The following FAM83A variants were observed in gnomAD, a reference collection of about 807,000 sequenced individuals.
The protein encoded by FAM83A is protein FAM83A.
Under a neutral mutation model 24.4 loss-of-function variants are expected in FAM83A, and 21 were observed. The observed-to-expected ratio is 0.86, with a 90% CI of 0.61 to 1.24. FAM83A has a LOEUF of 1.24. Ranked by LOEUF, FAM83A falls within the 50% of genes most tolerant of loss-of-function variation. The pLI is 0.00. For synonymous variants in FAM83A, 270 were observed against 252.4 expected, an observed-to-expected ratio of 1.07 and a Z score of -0.66; for missense variants, 617 against 579.8, an observed-to-expected ratio of 1.06 and a Z score of -0.66.
At chr8:123,195,819 C>G (rs1824130633) in intron 3 of FAM83A, among the ~76,000 whole-genome samples, 1 of 152,160 alleles carries the variant, frequency 6.6e-6, no homozygotes, top group South Asian at 2.1e-4. Flanking sequence ...CCTGAAGGTT[C>G]TACCTTCATG....
chr8:123,191,739 G>C, intron 1 of FAM83A, 64 bp from the exon 2 acceptor site: 2 of 1,562,416 alleles, frequency 1.3e-6, no homozygotes, highest in Non-Finnish European at 1.7e-6. Context: ...CAGGCAGTTT[G>C]GGTGAAACCA....
chr8:123,198,882 G>A (rs187624609), intron 3 of FAM83A, among the ~76,000 whole-genome samples: 23 of 152,150 alleles, frequency 1.5e-4, no homozygotes, highest in Admixed American at 6.5e-4. Context: ...AATTACAGGC[G>A]TGCACCACCA....
At position 123,195,313 on chromosome 8, in the gene FAM83A, G is replaced by A. The variant is rs146991027; in HGVS notation, c.773+1165G>A. On this transcript the variant is annotated intron_variant, in intron 3 of 3. Coordinates refer to ENST00000690554, the Ensembl canonical transcript of FAM83A. ...TAAGGATGCAGTCTTTCCCCAGGGA[G>A]CAGGAGCCCGCAATGCTGTTCCAAA... 1.5e-4 allele frequency among the ~76,000 whole-genome samples: 23 copies of A among 152,274 alleles called. No homozygotes were observed. In the East Asian group the frequency reaches 4.2e-3, roughly 28 times the overall value.
chr8:123,195,913 A>G (rs1331496119), intron 3 of FAM83A, among the ~76,000 whole-genome samples: 1 of 152,278 alleles, frequency 6.6e-6, no homozygotes, highest in Non-Finnish European at 1.5e-5. Context: ...GAACAGAAAC[A>G]GACATTCAGT....
chr8:123,208,020 A>G, exon 4 of FAM83A: 1 of 1,123,448 alleles, frequency 8.9e-7, no homozygotes. Context: ...AAACTCCGTA[A>G]GAAGCAGGAA....
chr8:123,200,464 A>G (rs1224037939), intron 3 of FAM83A, among the ~76,000 whole-genome samples: 1 of 152,212 alleles, frequency 6.6e-6, no homozygotes, highest in Non-Finnish European at 1.5e-5. Flanking sequence ...GGGCAGGGGC[A>G]GGAGGAAGCA....
chr8:123,192,043 A>G (rs768716147), intron 2 of FAM83A, 73 bp downstream of exon 2: 16 of 1,508,602 alleles, frequency 1.1e-5, no homozygotes, highest in African/African-American at 2.8e-5. Context: ...ATAGTAACAA[A>G]TGTCCCTCAT....
At chr8:123,193,205 G>A (rs557057768) in intron 2 of FAM83A, among the ~76,000 whole-genome samples, 1 of 152,312 alleles carries the variant, frequency 6.6e-6, no homozygotes, top group South Asian at 2.1e-4. Flanking sequence ...ACTCACCTTT[G>A]CTTAAGACAA....
intron 3 of FAM83A, among the ~76,000 whole-genome samples, chr8:123,203,316 G>A (rs547244206): frequency 2.0e-5 from 3 of 151,860 alleles, no homozygotes; most frequent in Non-Finnish European, 2.9e-5. Context: ...GGCTGGGTGC[G>A]GTGGTTCACA....
At chr8:123,196,657 C>G (rs984738878) in intron 3 of FAM83A, among the ~76,000 whole-genome samples, 3 of 152,314 alleles carry the variant, frequency 2.0e-5, no homozygotes, top group Admixed American at 1.3e-4. Flanking sequence ...ACAACAAGGA[C>G]CTTCCTGCAC....
chr8:123,189,215 A>T (rs1197463753), intron 1 of FAM83A, among the ~76,000 whole-genome samples: 1 of 152,218 alleles, frequency 6.6e-6, no homozygotes, highest in Non-Finnish European at 1.5e-5. Flanking sequence ...CAGCCTCATT[A>T]TTAGAACATC....
chr8:123,202,575 T>G (rs1824399833), intron 3 of FAM83A: 1 of 152,674 alleles, frequency 6.5e-6, no homozygotes, highest in African/African-American at 2.4e-5. Flanking sequence ...TGGCATGAAG[T>G]ACAGTAAATA....
At position 123,205,090 on chromosome 8, in the gene FAM83A, C is replaced by T. The variant is rs185727861; in HGVS notation, c.774-2067C>T. On this transcript the variant is annotated intron_variant, in intron 3 of 3. Transcript: ENST00000690554. ...TCACGCCACTGCACTCCAGCCTGGG[C>T]GACAGAGCAAGGCTGCGTCTCAAAA... 7.1e-4 allele frequency among the ~76,000 whole-genome samples: 108 copies of T among 151,532 alleles called. 1 individual carries two copies. Among genetic ancestry groups the T allele is most frequent in the Non-Finnish European group, 1.3e-3 (91 of 67,962 alleles).
chr8:123,182,520 G>A (rs557108903), upstream of FAM83A: 14 of 515,122 alleles, frequency 2.7e-5, no homozygotes, highest in African/African-American at 1.1e-4. Flanking sequence ...CAGGAAAGCC[G>A]GCTCACCTTC....
At position 123,194,154 on chromosome 8, in the gene FAM83A, C is replaced by A. The variant is rs7813460; in HGVS notation, c.773+6C>A. 16 of 1,613,406 alleles carry A rather than the reference C, an allele frequency of 9.9e-6. No individual in the cohort carries two copies. Among genetic ancestry groups the A allele is most frequent in the Admixed American group, 1.7e-5 (1 of 59,988 alleles). ...GTCCTGTCTGGATCTTACAGGTGAG[C>A]CTTGGATTCATCTCCTGTCAAGGAT... is the stretch of plus-strand genomic sequence containing the variant. On this transcript the variant is annotated splice_donor_region_variant and intron_variant, in intron 3 of 3. Coordinates refer to ENST00000690554, the Ensembl canonical transcript of FAM83A.
chr8:123,206,680 A>T (rs1344063108), intron 3 of FAM83A, among the ~76,000 whole-genome samples: 1 of 152,080 alleles, frequency 6.6e-6, no homozygotes, highest in East Asian at 1.9e-4. Context: ...CTGGCATCTT[A>T]ATTATTCACC....
intron 3 of FAM83A, among the ~76,000 whole-genome samples, chr8:123,203,712 T>C (rs1465415721): frequency 6.6e-6 from 1 of 151,726 alleles, no homozygotes. Flanking sequence ...CAGAGATTAG[T>C]GCTGAGACTC....
Position 123,197,785 on chromosome 8 carries a change from C to T in FAM83A, c.773+3637C>T, listed in dbSNP as rs142172301. Among the ~76,000 whole-genome samples the T allele has an allele frequency of 1.6e-4, 24 of 152,306 alleles. No individual in the cohort carries two copies. In the East Asian group the frequency reaches 2.7e-3, roughly 17 times the overall value. Reference sequence around the variant, plus strand: ...ACAGGTGCAGTTTGAAATCAAAGAACAGGTGCAGCTGAGCTGTCTCCTCAG... The same window carrying T: ...ACAGGTGCAGTTTGAAATCAAAGAATAGGTGCAGCTGAGCTGTCTCCTCAG... On this transcript the variant is annotated intron_variant, in intron 3 of 3. Transcript: ENST00000690554.
chr8:123,184,219 C>G (rs927534779), intron 1 of FAM83A, among the ~76,000 whole-genome samples: 1 of 152,120 alleles, frequency 6.6e-6, no homozygotes, highest in Admixed American at 6.5e-5. Flanking sequence ...CACACCTACT[C>G]CTGCTTCAGG....
Sources: allele counts gnomAD v4.1 joint callset (sites outside exome capture counted in the v4.1 genomes callset), GRCh38; gene constraint gnomAD v4.1.1; transcripts MANE v1.5; gene names NCBI Gene and HGNC (gene_info 2026-07-23, HGNC 2026-07-21).